Variants in CNTLN observed in about 807,000 individuals in gnomAD.
The protein encoded by CNTLN is centlein, centrosomal protein.
In CNTLN, 212 loss-of-function variants were observed where a neutral mutation model predicts 180.0. That is an observed-to-expected ratio of 1.18 (90% confidence interval 1.05 to 1.32). The LOEUF is 1.32. CNTLN is among the 40% of genes most tolerant of loss of function. The pLI is 0.00. For missense variants in CNTLN, 2,095 were observed against 1,610.9 expected, an observed-to-expected ratio of 1.30 and a Z score of -5.14; for synonymous variants, 722 against 563.1, an observed-to-expected ratio of 1.28 and a Z score of -3.99.
intron 6 of CNTLN, among the ~76,000 whole-genome samples, chr9:17,291,952 A>G (rs1450458894): frequency 6.6e-6 from 1 of 152,032 alleles, no homozygotes; most frequent in African/African-American, 2.4e-5. Context: ...TTTCCTTTCT[A>G]TATTTAGTGC....
rs547139175 is a variant in CNTLN, at chr9:17,257,429, G to A, written c.850-16304G>A. On this transcript the variant is annotated intron_variant, in intron 5 of 25. Coordinates refer to ENST00000380647, the MANE Select transcript of CNTLN (RefSeq NM_017738.4). ...CTTTGCTATTGTGAATAATGCCGCA[G>A]TAAACATAGGTGTGCATGTGTCTTT... is the stretch of plus-strand genomic sequence containing the variant. Among the ~76,000 whole-genome samples, 391 of 152,066 alleles carry A rather than the reference G, an allele frequency of 2.6e-3. 5 individuals carry two copies. The highest frequency in any genetic ancestry group is 9.0e-3 in the African/African-American group (374 of 41,448).
intron 8 of CNTLN, among the ~76,000 whole-genome samples, chr9:17,321,970 C>G (rs1425096140): frequency 6.6e-6 from 1 of 151,946 alleles, no homozygotes; most frequent in African/African-American, 2.4e-5. Flanking sequence ...TTATATTATG[C>G]TTATCATCGT....
At chr9:17,163,490 A>T (rs1362431817) in intron 2 of CNTLN, among the ~76,000 whole-genome samples, 1 of 152,230 alleles carries the variant, frequency 6.6e-6, no homozygotes, top group African/African-American at 2.4e-5. Context: ...TCTCTTGAAT[A>T]TTGATTTAAC....
At chr9:17,141,546 C>T (rs544528559) in intron 1 of CNTLN, among the ~76,000 whole-genome samples, 21 of 152,018 alleles carry the variant, frequency 1.4e-4, no homozygotes, top group Non-Finnish European at 2.8e-4. Flanking sequence ...ATGGGCCAGG[C>T]CATATGGAGT....
intron 18 of CNTLN, among the ~76,000 whole-genome samples, chr9:17,453,699 A>G (rs1830934724): frequency 6.6e-6 from 1 of 152,140 alleles, no homozygotes; most frequent in Non-Finnish European, 1.5e-5. Flanking sequence ...GCCTTTTTTG[A>G]AAAATTCAGT....
At chr9:17,212,951 CTTT>C (rs1163620508) in intron 2 of CNTLN, among the ~76,000 whole-genome samples, 3 of 151,962 alleles carry the variant, frequency 2.0e-5, no homozygotes, top group African/African-American at 7.3e-5. Flanking sequence ...CTCTTTTCTT[CTTT>C]ATTAGTCTTG....
intron 8 of CNTLN, among the ~76,000 whole-genome samples, chr9:17,320,487 A>T (rs1175012593): frequency 8.4e-6 from 1 of 119,296 alleles, no homozygotes; most frequent in Middle Eastern, 3.5e-3. Flanking sequence ...ATATATTCCA[A>T]TGCCTTTTGT....
chr9:17,317,798 C>T (rs1234811952), intron 8 of CNTLN, among the ~76,000 whole-genome samples: 3 of 151,942 alleles, frequency 2.0e-5, no homozygotes, highest in Non-Finnish European at 2.9e-5. Flanking sequence ...AGTAAGGAGG[C>T]GAGTGTGGCT....
At position 17,350,659 on chromosome 9, in the gene CNTLN, G is replaced by A. The variant is rs182468923; in HGVS notation, c.1886+8215G>A. Among the ~76,000 whole-genome samples, 17 of 152,226 alleles carry A rather than the reference G, an allele frequency of 1.1e-4. No homozygotes were observed. The East Asian group carries it at 2.9e-3, about 26-fold the overall frequency. On this transcript the variant is annotated intron_variant, in intron 12 of 25. Coordinates refer to ENST00000380647, the MANE Select transcript of CNTLN (RefSeq NM_017738.4). ...CTGAGAAATTCAAGATCATGGTGCC[G>A]ATGGATTAGGTTCCTGATGAGGGCT... is the stretch of plus-strand genomic sequence containing the variant.
chr9:17,466,994 AAC>A (rs1406445352), intron 23 of CNTLN, 103 bp downstream of exon 23: 1 of 693,848 alleles, frequency 1.4e-6, no homozygotes, highest in East Asian at 2.8e-5. Context: ...CTGCTTTCCT[AAC>A]ACAGAAAGCA....
At chr9:17,147,718 A>G (rs1382183499) in intron 2 of CNTLN, among the ~76,000 whole-genome samples, 1 of 152,196 alleles carries the variant, frequency 6.6e-6, no homozygotes, top group African/African-American at 2.4e-5. Flanking sequence ...AGAAAGAAGT[A>G]TAATATCATT....
chr9:17,262,276 G>T (rs531200307), intron 5 of CNTLN, among the ~76,000 whole-genome samples: 1 of 151,396 alleles, frequency 6.6e-6, no homozygotes, highest in South Asian at 2.1e-4. Context: ...ACATGCACAC[G>T]TATGTTTATT....
chr9:17,151,341 G>A (rs184337116), intron 2 of CNTLN, among the ~76,000 whole-genome samples: 1 of 152,264 alleles, frequency 6.6e-6, no homozygotes, highest in East Asian at 1.9e-4. Context: ...AGTTTATTGA[G>A]AGTTTTTGGC....
intron 5 of CNTLN, among the ~76,000 whole-genome samples, chr9:17,266,378 T>A (rs2132432852): frequency 6.6e-6 from 1 of 152,278 alleles, no homozygotes; most frequent in Non-Finnish European, 1.5e-5. Flanking sequence ...TGAGTTCTAG[T>A]TTGATTGCAC....
intron 25 of CNTLN, among the ~76,000 whole-genome samples, chr9:17,499,111 TA>T (rs1340622709): frequency 6.6e-6 from 1 of 152,154 alleles, no homozygotes; most frequent in Non-Finnish European, 1.5e-5. Context: ...GGCAAACAAA[TA>T]AGCAGACCAT....
rs144465274 is a variant in CNTLN, at chr9:17,411,840, G to A, written c.2796+2367G>A. On this transcript the variant is annotated intron_variant, in intron 16 of 25. Transcript: ENST00000380647. ...ATTTTCTTCCACAAAACTGGTTTTT[G>A]GTGCCAAAAAGGTTAAGAACCGGTG... 2.2e-4 allele frequency among the ~76,000 whole-genome samples: 33 copies of A among 152,060 alleles called. No homozygotes were observed. The East Asian group carries it at 3.5e-3, about 16-fold the overall frequency.
intron 2 of CNTLN, among the ~76,000 whole-genome samples, chr9:17,154,440 C>T (rs1007705170): frequency 6.6e-6 from 1 of 152,206 alleles, no homozygotes; most frequent in Non-Finnish European, 1.5e-5. Context: ...CCACTCCTGA[C>T]CCTGTTTGCT....
the CNTLN span, among the ~76,000 whole-genome samples, chr9:17,519,085 G>GTTATTTATTTATTTATTAT: frequency 1.1e-4 from 17 of 151,126 alleles, no homozygotes; most frequent in African/African-American, 3.7e-4. Flanking sequence ...ACCAGGCCTA[G>GTTATTTATTTATTTATTAT]TTATTTATTT....
chr9:17,222,503 C>T (rs190150727), intron 2 of CNTLN, among the ~76,000 whole-genome samples: 106 of 152,122 alleles, frequency 7.0e-4, no homozygotes, highest in Non-Finnish European at 9.7e-4. Flanking sequence ...CAAGGGAGAT[C>T]TGATGGTTTT....
Sources: allele counts gnomAD v4.1 joint callset (sites outside exome capture counted in the v4.1 genomes callset), GRCh38; gene constraint gnomAD v4.1.1; transcripts MANE v1.5; gene names NCBI Gene and HGNC (gene_info 2026-07-23, HGNC 2026-07-21).